Variants in ULK4 observed in about 807,000 individuals in gnomAD.
The protein encoded by ULK4 is unc-51 like kinase 4.
ULK4 carries 133 observed loss-of-function variants against 160.6 expected under a neutral mutation model. The observed-to-expected ratio is 0.83, with a 90% confidence interval of 0.72 to 0.96. The LOEUF is 0.96. Among genes scored for constraint, ULK4 ranks in the 40% least tolerant of loss-of-function variants. The pLI, the probability that ULK4 is intolerant of heterozygous loss-of-function variation, is 0.00. For missense variants in ULK4, 1,580 were observed against 1,499.5 expected (o/e 1.05, Z -0.89); for synonymous variants, 534 against 539.8 (o/e 0.99, Z 0.15).
intron 32 of ULK4, among the ~76,000 whole-genome samples, chr3:41,553,462 T>C (rs2087157106): frequency 6.6e-6 from 1 of 152,022 alleles, no homozygotes. Flanking sequence ...AAAGAAGACA[T>C]AAAACCGCCA....
At chr3:41,887,682 G>A (rs1352834426) in intron 16 of ULK4, among the ~76,000 whole-genome samples, 4 of 151,990 alleles carry the variant, frequency 2.6e-5, no homozygotes, top group South Asian at 4.1e-4. Flanking sequence ...TTAGCTGGGC[G>A]TGGTGGTGGG....
chr3:41,835,821 C>A, intron 18 of ULK4, 43 bp downstream of exon 18: 2 of 1,435,342 alleles, frequency 1.4e-6, no homozygotes, highest in Admixed American at 3.7e-5. Context: ...CAGAGTATGT[C>A]AGAACATGTC....
chr3:41,702,357 C>A (rs2036704326), intron 27 of ULK4, among the ~76,000 whole-genome samples: 1 of 152,036 alleles, frequency 6.6e-6, no homozygotes, highest in African/African-American at 2.4e-5. Flanking sequence ...GTTGGCCAGG[C>A]TGGTCTTGAA....
Position 41,911,471 on chromosome 3 carries a change from A to G in ULK4, c.1015+70T>C, listed in dbSNP as rs1698781933. On this transcript the variant is annotated intron_variant, in intron 10 of 36. Transcript: ENST00000301831. ...AACGTACACAAAGATTTAAAGGGACATAACACTGAAATTAGGAACTCTCTC... is the reference window on the plus strand; with the variant it reads ...AACGTACACAAAGATTTAAAGGGACGTAACACTGAAATTAGGAACTCTCTC... 8.2e-6 allele frequency: 13 copies of G among 1,586,998 alleles called. No individual in the cohort carries two copies. In the South Asian group the frequency reaches 1.0e-4, roughly 12 times the overall value.
At chr3:41,566,184 C>A (rs371179482) in intron 31 of ULK4, 54 bp from the exon 32 acceptor site, 1 of 1,470,594 alleles carries the variant, frequency 6.8e-7, no homozygotes, top group South Asian at 1.2e-5. Flanking sequence ...ATTACATCAT[C>A]GTAAAGACAA....
intron 32 of ULK4, among the ~76,000 whole-genome samples, chr3:41,561,156 T>C (rs1018751648): frequency 5.3e-5 from 8 of 152,226 alleles, no homozygotes; most frequent in African/African-American, 1.4e-4. Context: ...GTTTACGTGA[T>C]GGATTATGTT....
At chr3:41,261,877 G>A (rs926313804) in intron 35 of ULK4, among the ~76,000 whole-genome samples, 1 of 152,228 alleles carries the variant, frequency 6.6e-6, no homozygotes, top group Non-Finnish European at 1.5e-5. Context: ...GCTCTTAGAT[G>A]GAGGTCCGTC....
At chr3:41,286,661 AG>A (rs918355199) in intron 35 of ULK4, among the ~76,000 whole-genome samples, 1 of 152,194 alleles carries the variant, frequency 6.6e-6, no homozygotes, top group Admixed American at 6.5e-5. Context: ...TGCTGGGTGA[AG>A]ACCCCAGGCT....
chr3:41,785,734 C>T (rs1016748431), intron 21 of ULK4, among the ~76,000 whole-genome samples: 3 of 152,236 alleles, frequency 2.0e-5, no homozygotes, highest in African/African-American at 7.2e-5. Flanking sequence ...CAGGTATAGA[C>T]GACACTCACT....
At position 41,566,980 on chromosome 3, in the gene ULK4, G is replaced by C. The variant is rs530542771; in HGVS notation, c.3121-850C>G. On this transcript the variant is annotated intron_variant, in intron 31 of 36. Transcript: ENST00000301831. ...TCTCAGGTTCCTGTAAGTACCCACT[G>C]ACAGTGAGGACTCCTAGGAGTCTAG... 4.6e-5 allele frequency among the ~76,000 whole-genome samples: 7 copies of C among 152,312 alleles called. No homozygotes were observed. The South Asian group carries it at 1.5e-3, about 32-fold the overall frequency.
At chr3:41,737,595 C>G (rs900444648) in intron 22 of ULK4, among the ~76,000 whole-genome samples, 7 of 151,838 alleles carry the variant, frequency 4.6e-5, no homozygotes, top group Admixed American at 4.6e-4. Flanking sequence ...GGAGGCATCA[C>G]GCTATCTAAG....
chr3:41,842,078 A>G (rs181331781), intron 17 of ULK4, among the ~76,000 whole-genome samples: 26 of 149,664 alleles, frequency 1.7e-4, no homozygotes, highest in Admixed American at 4.1e-4. Context: ...TCTCTCCACT[A>G]TTATCCTATG....
chr3:41,837,821 A>G (rs1170681713), intron 17 of ULK4, among the ~76,000 whole-genome samples: 1 of 152,156 alleles, frequency 6.6e-6, no homozygotes, highest in Non-Finnish European at 1.5e-5. Flanking sequence ...TCAGCCTCCC[A>G]AAGTGCTGGG....
chr3:41,804,396 G>A (rs1260080310), intron 19 of ULK4, among the ~76,000 whole-genome samples: 4 of 152,070 alleles, frequency 2.6e-5, no homozygotes, highest in Admixed American at 1.3e-4. Flanking sequence ...TTTGTCGGAT[G>A]AGTAGGTTGC....
intron 32 of ULK4, among the ~76,000 whole-genome samples, chr3:41,563,155 ATTCTT>A (rs1407781965): frequency 6.6e-6 from 1 of 152,070 alleles, no homozygotes; most frequent in Non-Finnish European, 1.5e-5. Context: ...TGGATTGAAA[ATTCTT>A]TTCTTTAAGA....
intron 18 of ULK4, among the ~76,000 whole-genome samples, chr3:41,823,921 G>C (rs1046961343): frequency 1.3e-5 from 2 of 152,094 alleles, no homozygotes; most frequent in Non-Finnish European, 2.9e-5. Context: ...TCAATACTTT[G>C]GAAGACTGAG....
Position 41,469,602 on chromosome 3 carries a change from C to CAAAAAAAAAAAAAAAAAAAAAA in ULK4, c.3227-6371_3227-6350dup, listed in dbSNP as rs71616008. Among the ~76,000 whole-genome samples the CAAAAAAAAAAAAAAAAAAAAAA allele has an allele frequency of 1.3e-3, 15 of 11,316 alleles. 2 individuals carry two copies. The highest frequency in any genetic ancestry group is 2.2e-3 in the Non-Finnish European group (13 of 5,802). The allele number at this position is 11,316 out of a possible 152,430, so 7.4% of individuals were successfully genotyped here. The stretch of plus-strand genomic sequence containing the variant: ...TGAAAGAGTGAAGGCCTACACCTGC[C>CAAAAAAAAAAAAAAAAAAAAAA]AAAAAAAAAAAAAAAAAAAAAAAAA... On this transcript the variant is annotated intron_variant, in intron 32 of 36. Transcript: ENST00000301831.
intron 35 of ULK4, among the ~76,000 whole-genome samples, chr3:41,338,335 TG>T (rs1010711626): frequency 6.6e-6 from 1 of 152,118 alleles, no homozygotes; most frequent in Non-Finnish European, 1.5e-5. Flanking sequence ...ACATTCTAAC[TG>T]TGAAAAGGGA....
chr3:41,805,930 T>C (rs890759813), intron 19 of ULK4, among the ~76,000 whole-genome samples: 2 of 146,062 alleles, frequency 1.4e-5, no homozygotes, highest in Non-Finnish European at 3.0e-5. Context: ...ATCAAGGATA[T>C]TGGTCTAAAA....
Sources: gnomAD v4.1 joint callset for allele counts (sites outside exome capture counted in the v4.1 genomes callset) on GRCh38, gnomAD v4.1.1 for gene constraint, MANE v1.5 for transcripts, NCBI Gene and HGNC (gene_info 2026-07-23, HGNC 2026-07-21) for gene names.